Variants in KLF12 observed in about 807,000 individuals in gnomAD.
The protein encoded by KLF12 is Krueppel-like factor 12.
KLF12 carries 9 observed loss-of-function variants against 37.8 expected under a neutral mutation model. The ratio of observed to expected loss-of-function variants is 0.24; its 90% CI spans 0.14 to 0.42. The LOEUF (loss-of-function observed/expected upper bound fraction) is 0.42, where lower values mean the gene tolerates loss of function less well. Ranked by LOEUF, KLF12 falls within the 10% of genes least tolerant of loss-of-function variation. The pLI is 1.00. For synonymous variants in KLF12, 208 were observed against 202.1 expected (o/e 1.03, Z -0.25); for missense variants, 411 against 516.0 (o/e 0.80, Z 1.97).
chr13:74,016,857 T>G (rs918547063), intron 1 of KLF12, among the ~76,000 whole-genome samples: 3 of 152,218 alleles, frequency 2.0e-5, no homozygotes, highest in African/African-American at 7.2e-5. Flanking sequence ...CCAACTGCTG[T>G]AAACTGGAAA....
chr13:73,884,634 T>C lies in KLF12; in HGVS notation c.124-38261A>G, dbSNP rs533451668. ...AACAGAACTTTCTGCATGATGGAAA[T>C]GCCCTCTTTCTGTGCTGTCCCATAT... On this transcript the variant is annotated intron_variant, in intron 3 of 7. Coordinates refer to ENST00000377669, the MANE Select transcript of KLF12 (RefSeq NM_007249.5). Among the ~76,000 whole-genome samples, 4 of 152,354 alleles carry C rather than the reference T, an allele frequency of 2.6e-5. No homozygotes were observed. In the South Asian group the frequency reaches 8.3e-4, roughly 32 times the overall value.
chr13:73,868,440 G>A (rs962195595), intron 3 of KLF12, among the ~76,000 whole-genome samples: 9 of 151,662 alleles, frequency 5.9e-5, no homozygotes, highest in African/African-American at 1.9e-4. Context: ...CCCCAGGCTG[G>A]AGTCCAGTGG....
intron 4 of KLF12, among the ~76,000 whole-genome samples, chr13:73,817,140 G>A (rs1343282240): frequency 6.6e-6 from 1 of 151,758 alleles, no homozygotes; most frequent in African/African-American, 2.4e-5. Flanking sequence ...AACGTAGTGA[G>A]ACCCAACCTC....
At chr13:74,201,876 A>T in the KLF12 span, among the ~76,000 whole-genome samples, 1 of 152,164 alleles carries the variant, frequency 6.6e-6, no homozygotes. Flanking sequence ...AAGTGGTCTC[A>T]GAATAACAGA....
At chr13:74,020,718 G>A (rs1341713156) in intron 1 of KLF12, among the ~76,000 whole-genome samples, 3 of 152,080 alleles carry the variant, frequency 2.0e-5, no homozygotes, top group South Asian at 4.2e-4. Context: ...GTGAAACCCC[G>A]TTTCTACTAA....
At chr13:73,876,901 G>T (rs1013517867) in intron 3 of KLF12, among the ~76,000 whole-genome samples, 2 of 151,798 alleles carry the variant, frequency 1.3e-5, no homozygotes, top group Non-Finnish European at 1.5e-5. Context: ...TGTAATCCCA[G>T]CTACTCGGGA....
intron 1 of KLF12, among the ~76,000 whole-genome samples, chr13:74,004,353 T>A (rs1441977582): frequency 1.3e-5 from 2 of 152,218 alleles, no homozygotes; most frequent in Non-Finnish European, 2.9e-5. Context: ...TAACTTGCAT[T>A]AATCCTCACA....
chr13:73,699,936 C>T (rs1386755855), intron 7 of KLF12, among the ~76,000 whole-genome samples: 2 of 152,034 alleles, frequency 1.3e-5, no homozygotes, highest in African/African-American at 4.8e-5. Flanking sequence ...AGATACTTCC[C>T]TACTCCACGA....
intron 1 of KLF12, among the ~76,000 whole-genome samples, chr13:74,039,736 G>T (rs1893352465): frequency 6.6e-6 from 1 of 152,158 alleles, no homozygotes; most frequent in African/African-American, 2.4e-5. Flanking sequence ...ATACAATTAG[G>T]ATAAAGATAG....
At chr13:74,048,194 A>T (rs1893597866) in intron 1 of KLF12, among the ~76,000 whole-genome samples, 1 of 152,222 alleles carries the variant, frequency 6.6e-6, no homozygotes, top group Non-Finnish European at 1.5e-5. Flanking sequence ...CTCACTATAC[A>T]TCAGCTTACA....
At chr13:74,079,279 G>T (rs1365335216) in intron 1 of KLF12, among the ~76,000 whole-genome samples, 10 of 152,248 alleles carry the variant, frequency 6.6e-5, no homozygotes, top group African/African-American at 2.2e-4. Context: ...TTTGCAAGAT[G>T]AAAAAAGTTC....
chr13:74,209,932 T>A, the KLF12 span, among the ~76,000 whole-genome samples: 2 of 152,336 alleles, frequency 1.3e-5, no homozygotes, highest in South Asian at 4.1e-4. Context: ...TTATTCCAAT[T>A]CTTTGACCAA....
the KLF12 span, among the ~76,000 whole-genome samples, chr13:74,260,643 T>C: frequency 2.0e-5 from 3 of 149,206 alleles, no homozygotes; most frequent in Non-Finnish European, 4.5e-5. Flanking sequence ...AATTAATTGC[T>C]GGAGAGGTAC....
the KLF12 span, among the ~76,000 whole-genome samples, chr13:74,270,844 G>A: frequency 3.9e-5 from 6 of 152,144 alleles, no homozygotes; most frequent in African/African-American, 1.4e-4. Context: ...TGGGTAGTTA[G>A]GGTTAGACTT....
intron 1 of KLF12, among the ~76,000 whole-genome samples, chr13:74,098,383 A>AACC (rs1177153113): frequency 2.0e-5 from 3 of 152,330 alleles, no homozygotes; most frequent in African/African-American, 7.2e-5. Flanking sequence ...AGATAATTTT[A>AACC]ACCACCACCA....
At chr13:73,725,700 T>C (rs1876607605) in intron 6 of KLF12, among the ~76,000 whole-genome samples, 1 of 151,962 alleles carries the variant, frequency 6.6e-6, no homozygotes, top group Non-Finnish European at 1.5e-5. Context: ...TTATAGGACT[T>C]AACATGCTAA....
At chr13:73,921,578 G>A (rs9600185) in intron 3 of KLF12, among the ~76,000 whole-genome samples, 1 of 152,150 alleles carries the variant, frequency 6.6e-6, no homozygotes, top group African/African-American at 2.4e-5. Flanking sequence ...AAATTCAGTT[G>A]TAAGAATCAA....
intron 2 of KLF12, among the ~76,000 whole-genome samples, chr13:73,959,409 T>C (rs926960292): frequency 3.9e-5 from 6 of 151,958 alleles, no homozygotes; most frequent in African/African-American, 1.4e-4. Context: ...TTAACTAATT[T>C]AACCAGCATC....
chr13:74,104,976 T>C (rs1208611183), intron 1 of KLF12, among the ~76,000 whole-genome samples: 2 of 152,204 alleles, frequency 1.3e-5, no homozygotes, highest in Non-Finnish European at 2.9e-5. Flanking sequence ...AAAAATTATT[T>C]GTTGGCATCT....
Sources: allele counts gnomAD v4.1 joint callset (sites outside exome capture counted in the v4.1 genomes callset), GRCh38; gene constraint gnomAD v4.1.1; transcripts MANE v1.5; gene names NCBI Gene and HGNC (gene_info 2026-07-23, HGNC 2026-07-21).